The following PDE1A variants were observed in gnomAD, a reference collection of about 807,000 sequenced individuals.
The protein encoded by PDE1A is phosphodiesterase 1A.
PDE1A carries 35 observed loss-of-function variants against 61.7 expected under a neutral mutation model. That is an observed-to-expected ratio of 0.57 (90% CI 0.43 to 0.75). The LOEUF is 0.75. Ranked by LOEUF, PDE1A falls within the 30% of genes least tolerant of loss-of-function variation. The pLI is 0.00. For missense variants in PDE1A, 597 were observed against 630.6 expected (o/e 0.95, Z 0.57); for synonymous variants, 232 against 213.2 (o/e 1.09, Z -0.77).
At position 182,389,740 on chromosome 2, in the gene PDE1A, G is replaced by A. The variant is rs142059783; in HGVS notation, c.53+36838C>T. ...GCCAAAGGAGATTAACATTCCAGTC[G>A]GTGGATTGGGAGAGGTAGACTCACC... On this transcript the variant is annotated intron_variant, in intron 1 of 13. Coordinates refer to ENST00000351439, the Ensembl canonical transcript of PDE1A. Among the ~76,000 whole-genome samples, 731 of 152,200 alleles carry A rather than the reference G, an allele frequency of 4.8e-3. 2 individuals are homozygous for A. Among genetic ancestry groups the A allele is most frequent in the African/African-American group, 0.017 (693 of 41,542 alleles).
chr2:182,163,325 G>A (rs1691487333), downstream of PDE1A, among the ~76,000 whole-genome samples: 1 of 152,170 alleles, frequency 6.6e-6, no homozygotes, highest in Admixed American at 6.5e-5. Flanking sequence ...GGCAAGGCCA[G>A]CAATATACCT....
intron 1 of PDE1A, among the ~76,000 whole-genome samples, chr2:182,423,305 T>C (rs1204237653): frequency 6.6e-6 from 1 of 152,116 alleles, no homozygotes. Context: ...TTTTAAAAAA[T>C]AGATTTGATA....
the PDE1A span, among the ~76,000 whole-genome samples, chr2:182,682,915 T>C: frequency 6.6e-6 from 1 of 152,202 alleles, no homozygotes; most frequent in East Asian, 1.9e-4. Flanking sequence ...TGTAGGGGTG[T>C]GTCTGTGCAT....
intron 13 of PDE1A, among the ~76,000 whole-genome samples, chr2:182,179,865 G>A (rs1015393739): frequency 1.3e-5 from 2 of 152,146 alleles, no homozygotes; most frequent in African/African-American, 4.8e-5. Flanking sequence ...TAAAAATGAA[G>A]CATAATAGGT....
At chr2:182,252,699 C>A (rs546801249) in intron 2 of PDE1A, among the ~76,000 whole-genome samples, 1 of 152,296 alleles carries the variant, frequency 6.6e-6, no homozygotes, top group African/African-American at 2.4e-5. Context: ...GATCCTGCAG[C>A]AGAAGCCAGC....
At chr2:182,222,055 A>T (rs1031867664) in intron 7 of PDE1A, among the ~76,000 whole-genome samples, 11 of 152,018 alleles carry the variant, frequency 7.2e-5, no homozygotes, top group Non-Finnish European at 1.6e-4. Context: ...TATATATATT[A>T]AAAAACCAAA....
chr2:182,240,815 A>G (rs898231780), intron 2 of PDE1A, among the ~76,000 whole-genome samples: 3 of 152,178 alleles, frequency 2.0e-5, no homozygotes, highest in Non-Finnish European at 4.4e-5. Flanking sequence ...TTGGATAAGT[A>G]CCTCTAAATT....
chr2:182,461,746 T>G (rs1360578108), intron 2 of PDE1A, among the ~76,000 whole-genome samples: 1 of 152,134 alleles, frequency 6.6e-6, no homozygotes, highest in Non-Finnish European at 1.5e-5. Flanking sequence ...ATGGTTTGAT[T>G]CAGAGTTTCA....
the PDE1A span, among the ~76,000 whole-genome samples, chr2:182,544,098 C>A: frequency 7.2e-5 from 11 of 152,136 alleles, no homozygotes; most frequent in South Asian, 2.3e-3. Flanking sequence ...AGAATCCTAA[C>A]CTTCTTAAAA....
At chr2:182,354,132 T>C (rs1044952646) in intron 1 of PDE1A, among the ~76,000 whole-genome samples, 8 of 152,102 alleles carry the variant, frequency 5.3e-5, no homozygotes, top group Non-Finnish European at 1.2e-4. Context: ...AACTGATAAT[T>C]GACACCCAGT....
At chr2:182,673,036 A>T in the PDE1A span, among the ~76,000 whole-genome samples, 1 of 152,220 alleles carries the variant, frequency 6.6e-6, no homozygotes, top group East Asian at 1.9e-4. Context: ...AGAAAACAGC[A>T]GAGTAATTTT....
chr2:182,617,359 C>T, the PDE1A span, among the ~76,000 whole-genome samples: 22 of 152,250 alleles, frequency 1.4e-4, no homozygotes, highest in African/African-American at 5.1e-4. Flanking sequence ...GCACTGTTTG[C>T]GAGGCTCTAC....
At chr2:182,262,814 G>A (rs1220861418) in intron 2 of PDE1A, among the ~76,000 whole-genome samples, 1 of 152,138 alleles carries the variant, frequency 6.6e-6, no homozygotes, top group Non-Finnish European at 1.5e-5. Context: ...TACCTTCCAT[G>A]AAAGGATGAG....
intron 13 of PDE1A, among the ~76,000 whole-genome samples, chr2:182,171,680 C>T (rs1692228281): frequency 1.3e-5 from 2 of 151,510 alleles, no homozygotes; most frequent in South Asian, 4.2e-4. Context: ...GGGTATATAA[C>T]AAAGTCTTGA....
chr2:182,696,251 T>C, the PDE1A span, among the ~76,000 whole-genome samples: 68 of 152,292 alleles, frequency 4.5e-4, no homozygotes, highest in African/African-American at 1.5e-3. Context: ...TAAACTATAG[T>C]ACATCCAGAC....
the PDE1A span, among the ~76,000 whole-genome samples, chr2:182,546,727 C>A: frequency 6.6e-6 from 1 of 152,134 alleles, no homozygotes; most frequent in Non-Finnish European, 1.5e-5. Context: ...CCTTGCCAAA[C>A]CAATACCAGA....
chr2:182,492,984 CAA>C (rs34670464), intron 2 of PDE1A, among the ~76,000 whole-genome samples: 21 of 145,434 alleles, frequency 1.4e-4, no homozygotes, highest in South Asian at 4.3e-4. Context: ...ATTATGGTGG[CAA>C]AAAAAAAAAG....
intron 2 of PDE1A, among the ~76,000 whole-genome samples, chr2:182,459,798 C>T (rs146369541): frequency 6.6e-6 from 1 of 152,188 alleles, no homozygotes; most frequent in Non-Finnish European, 1.5e-5. Flanking sequence ...CAAATATCCA[C>T]TGTAGCATGC....
At chr2:182,549,949 T>C in the PDE1A span, among the ~76,000 whole-genome samples, 1 of 152,206 alleles carries the variant, frequency 6.6e-6, no homozygotes, top group Admixed American at 6.5e-5. Flanking sequence ...CTTTATGTCT[T>C]ACTTAGCTTT....
Sources: allele counts gnomAD v4.1 joint callset (sites outside exome capture counted in the v4.1 genomes callset), GRCh38; gene constraint gnomAD v4.1.1; transcripts MANE v1.5; gene names NCBI Gene and HGNC (gene_info 2026-07-23, HGNC 2026-07-21).